Variants in POU6F2 observed in about 807,000 individuals in gnomAD.
The protein encoded by POU6F2 is POU class 6 homeobox 2.
A neutral mutation model predicts 71.3 loss-of-function variants in POU6F2; 31 were observed. The ratio of observed to expected loss-of-function variants is 0.43; its 90% confidence interval spans 0.33 to 0.59. The LOEUF is 0.59. Ranked by LOEUF, POU6F2 falls within the 20% of genes least tolerant of loss-of-function variation. The probability of loss-of-function intolerance (pLI) is 0.04; values close to 1 mark genes in which losing one functional copy is unlikely to be tolerated. For missense variants in POU6F2, 783 were observed against 856.8 expected, an observed-to-expected ratio of 0.91 and a Z score of 1.07; for synonymous variants, 347 against 355.7, an observed-to-expected ratio of 0.98 and a Z score of 0.27.
intron 1 of POU6F2, among the ~76,000 whole-genome samples, chr7:38,999,611 G>A (rs775804247): frequency 1.3e-5 from 2 of 152,142 alleles, no homozygotes; most frequent in African/African-American, 2.4e-5. Flanking sequence ...CCTTGTCTAT[G>A]CAGAGGTGAC....
chr7:39,046,624 T>C lies in POU6F2; in HGVS notation c.106-39236T>C, dbSNP rs369400508. ...AGCATTCTTGATATGTTGAGCCAGA[T>C]AATTCTTTGTCATGGGAGCCTGTCT... On this transcript the variant is annotated intron_variant, in intron 1 of 9. Transcript: ENST00000518318. 1.3e-4 allele frequency among the ~76,000 whole-genome samples: 20 copies of C among 152,046 alleles called. No individual in the cohort carries two copies. The South Asian group carries it at 3.9e-3, about 30-fold the overall frequency.
At chr7:39,158,859 C>T (rs556462293) in intron 2 of POU6F2, among the ~76,000 whole-genome samples, 1 of 152,172 alleles carries the variant, frequency 6.6e-6, no homozygotes, top group South Asian at 2.1e-4. Flanking sequence ...CTTAATCTAG[C>T]CAAGTTGACA....
intron 1 of POU6F2, among the ~76,000 whole-genome samples, chr7:39,017,064 A>G (rs949164367): frequency 6.6e-5 from 10 of 152,070 alleles, no homozygotes; most frequent in Admixed American, 5.2e-4. Flanking sequence ...TACAACTTCT[A>G]TTTTATCATG....
chr7:39,321,588 A>C (rs1471247467), intron 4 of POU6F2, among the ~76,000 whole-genome samples: 1 of 152,232 alleles, frequency 6.6e-6, no homozygotes, highest in African/African-American at 2.4e-5. Context: ...TTATTAACCA[A>C]GAAGAAATAT....
intron 4 of POU6F2, among the ~76,000 whole-genome samples, chr7:39,275,586 A>G (rs1784421665): frequency 1.3e-5 from 2 of 152,246 alleles, no homozygotes; most frequent in African/African-American, 2.4e-5. Context: ...AAGAGCCCGC[A>G]TTGCCAAGTC....
Position 39,410,966 on chromosome 7 carries a change from C to T in POU6F2, c.1113+4226C>T, listed in dbSNP as rs1271466379. Reference sequence around the variant, plus strand: ...TGAAAAATGGAGATAATAGTAACACCGGGTCCTAGGACTAAAGTCCTGAGA... The same window carrying T: ...TGAAAAATGGAGATAATAGTAACACTGGGTCCTAGGACTAAAGTCCTGAGA... On this transcript the variant is annotated intron_variant, in intron 6 of 9. Coordinates refer to ENST00000518318, the MANE Select transcript of POU6F2 (RefSeq NM_001370959.1). 2.6e-5 allele frequency among the ~76,000 whole-genome samples: 4 copies of T among 152,078 alleles called. No individual in the cohort carries two copies. In the East Asian group the frequency reaches 5.8e-4, roughly 22 times the overall value.
intron 1 of POU6F2, among the ~76,000 whole-genome samples, chr7:39,001,725 G>T (rs1322222458): frequency 7.2e-5 from 11 of 151,860 alleles, no homozygotes; most frequent in Non-Finnish European, 1.2e-4. Context: ...TGATATAATG[G>T]TGATGGTAAT....
At chr7:39,309,689 C>G (rs895402132) in intron 4 of POU6F2, among the ~76,000 whole-genome samples, 1 of 152,190 alleles carries the variant, frequency 6.6e-6, no homozygotes, top group Non-Finnish European at 1.5e-5. Flanking sequence ...GTCATTTTTA[C>G]AAGGTTACCT....
chr7:39,027,842 A>T (rs569085824), intron 1 of POU6F2, among the ~76,000 whole-genome samples: 46 of 152,258 alleles, frequency 3.0e-4, no homozygotes, highest in African/African-American at 9.4e-4. Context: ...GGATTTTTTT[A>T]AATTTGTTTT....
intron 2 of POU6F2, among the ~76,000 whole-genome samples, chr7:39,189,183 A>T (rs1016812509): frequency 6.6e-6 from 1 of 152,174 alleles, no homozygotes; most frequent in Non-Finnish European, 1.5e-5. Context: ...TGAGGCCACA[A>T]CATCAGACAA....
In POU6F2 at chr7:39,441,357, A is replaced by G. The variant is rs543159352; in HGVS notation, c.1320+8074A>G. Among the ~76,000 whole-genome samples, 3 of 130,290 alleles carry G rather than the reference A, an allele frequency of 2.3e-5. No homozygotes were observed. The East Asian group carries it at 9.1e-4, about 40-fold the overall frequency. 85.5% of individuals were successfully genotyped at this position (130,290 alleles called of 152,430 possible). ...CAAAGAAGAATTAATGAGAGCATGT[A>G]CTTGGAGTTGAGTACATGGGAGTCA... On this transcript the variant is annotated intron_variant, in intron 7 of 9. Transcript: ENST00000518318.
chr7:39,102,838 T>G (rs1791604539), intron 2 of POU6F2, among the ~76,000 whole-genome samples: 1 of 152,226 alleles, frequency 6.6e-6, no homozygotes, highest in Non-Finnish European at 1.5e-5. Context: ...CTGTTGCTCC[T>G]AGGCTACAAA....
intron 9 of POU6F2, among the ~76,000 whole-genome samples, chr7:39,462,786 A>T (rs1788979759): frequency 6.6e-6 from 1 of 152,202 alleles, no homozygotes; most frequent in South Asian, 2.1e-4. Context: ...TGGGTTTTTC[A>T]AAAATAAACA....
rs1354130494 is a variant in POU6F2, at chr7:39,222,082, G to T, written c.598+14462G>T. 5.3e-5 allele frequency among the ~76,000 whole-genome samples: 8 copies of T among 152,232 alleles called. No individual in the cohort carries two copies. The East Asian group carries it at 1.5e-3, about 29-fold the overall frequency. On this transcript the variant is annotated intron_variant, in intron 4 of 9. Coordinates refer to ENST00000518318, the MANE Select transcript of POU6F2 (RefSeq NM_001370959.1). Reference sequence around the variant, plus strand: ...GAATAAAAGCCTAGGCATCCACACAGAATTTGGTTTGTTTAAAAAGAACCA... The same window carrying T: ...GAATAAAAGCCTAGGCATCCACACATAATTTGGTTTGTTTAAAAAGAACCA...
At chr7:39,116,191 C>G (rs148199416) in intron 2 of POU6F2, among the ~76,000 whole-genome samples, 1 of 152,238 alleles carries the variant, frequency 6.6e-6, no homozygotes, top group African/African-American at 2.4e-5. Flanking sequence ...TCAAGACCAC[C>G]CTAGGCAACA....
rs1037714877 is a variant in POU6F2, at chr7:39,385,808, T to C, written c.973-20792T>C. ...CTGCAGAGTCTTCTCATCCAGAGCT[T>C]TGCCCAAGGCCATGCCCCTTTCTAG... On this transcript the variant is annotated intron_variant, in intron 5 of 9. Transcript: ENST00000518318. Among the ~76,000 whole-genome samples, 5 of 152,116 alleles carry C rather than the reference T, an allele frequency of 3.3e-5. No individual in the cohort carries two copies. The East Asian group carries it at 7.7e-4, about 23-fold the overall frequency.
At chr7:39,137,458 A>G (rs1311576635) in intron 2 of POU6F2, among the ~76,000 whole-genome samples, 1 of 152,226 alleles carries the variant, frequency 6.6e-6, no homozygotes, top group African/African-American at 2.4e-5. Flanking sequence ...GCAGGATTCA[A>G]AACTATATTT....
intron 4 of POU6F2, among the ~76,000 whole-genome samples, chr7:39,218,724 G>A (rs1037380442): frequency 2.6e-5 from 4 of 152,224 alleles, no homozygotes; most frequent in South Asian, 2.1e-4. Flanking sequence ...TTTAGGAGGC[G>A]TTAACAAGGT....
chr7:39,048,563 G>T (rs578144125), intron 1 of POU6F2, among the ~76,000 whole-genome samples: 1 of 151,802 alleles, frequency 6.6e-6, no homozygotes, highest in Non-Finnish European at 1.5e-5. Flanking sequence ...TATATGTACC[G>T]TGTTTTCTTT....
Sources: gnomAD v4.1 joint callset for allele counts (sites outside exome capture counted in the v4.1 genomes callset) on GRCh38, gnomAD v4.1.1 for gene constraint, MANE v1.5 for transcripts, NCBI Gene and HGNC (gene_info 2026-07-23, HGNC 2026-07-21) for gene names.